The following PFKM variants were observed in gnomAD, a reference collection of about 807,000 sequenced individuals.
The protein encoded by PFKM is phosphofructokinase, muscle.
A neutral mutation model predicts 95.5 loss-of-function variants in PFKM; 58 were observed. The observed-to-expected ratio is 0.61, with a 90% CI of 0.49 to 0.76. The LOEUF (loss-of-function observed/expected upper bound fraction) is 0.76. Ranked by LOEUF, PFKM falls within the 30% of genes least tolerant of loss-of-function variation. The pLI is 0.00. For missense variants in PFKM, 678 were observed against 1,005.4 expected, an observed-to-expected ratio of 0.67 and a Z score of 4.40; for synonymous variants, 336 against 357.2, an observed-to-expected ratio of 0.94 and a Z score of 0.67.
At chr12:48,122,136 G>A (rs1302226226) in intron 1 of PFKM, among the ~76,000 whole-genome samples, 1 of 152,180 alleles carries the variant, frequency 6.6e-6, no homozygotes, top group Non-Finnish European at 1.5e-5. Flanking sequence ...CATCCTGAGA[G>A]GGAAGAGCCA....
chr12:48,135,733 A>G (rs143537136), intron 10 of PFKM, among the ~76,000 whole-genome samples: 4 of 152,294 alleles, frequency 2.6e-5, no homozygotes, highest in Non-Finnish European at 5.9e-5. Flanking sequence ...GTTTCTTTCA[A>G]TGGTAACATC....
chr12:48,128,450 T>A (rs1949082265), intron 2 of PFKM, among the ~76,000 whole-genome samples: 4 of 152,128 alleles, frequency 2.6e-5, no homozygotes, highest in African/African-American at 7.2e-5. Context: ...ATTCTCCACA[T>A]GTCTTGAAGA....
At chr12:48,106,675 A>G (rs879655696) in intron 1 of PFKM, 7 of 156,030 alleles carry the variant, frequency 4.5e-5, no homozygotes, top group Non-Finnish European at 1.4e-5. Context: ...TGTACTCTGC[A>G]CCACCTCATA....
At chr12:48,141,199 T>A in intron 14 of PFKM, 112 bp from the exon 15 acceptor site, 1 of 1,038,078 alleles carries the variant, frequency 9.6e-7, no homozygotes. Flanking sequence ...GTGTACCTTT[T>A]CCAACCAAGG....
At chr12:48,115,052 G>A (rs1170856541), upstream of PFKM, among the ~76,000 whole-genome samples, 1 of 152,086 alleles carries the variant, frequency 6.6e-6, no homozygotes, top group African/African-American at 2.4e-5. Context: ...AGCAGCTCTG[G>A]GCTGCAATGT....
At chr12:48,142,516 G>GTTTTTTTTTTTTTTTTT in intron 17 of PFKM, 2 of 423,102 alleles carry the variant, frequency 4.7e-6, no homozygotes, top group Non-Finnish European at 4.2e-6. Context: ...TGTTTTGTTT[G>GTTTTTTTTTTTTTTTTT]TTTTTTTTTT....
At position 48,142,726 on chromosome 12, in the gene PFKM, GATAAGAATC is replaced by G. The variant is rs796455394; in HGVS notation, c.1654-54_1654-46del. 72 of 1,478,044 alleles carry G rather than the reference GATAAGAATC, an allele frequency of 4.9e-5. No individual in the cohort carries two copies. In the African/African-American group the frequency reaches 6.9e-4, roughly 14 times the overall value. The allele number at this position is 1,478,044 out of a possible 1,614,324, so 91.6% of individuals were successfully genotyped here. A position where few individuals can be genotyped will look rare whatever the true frequency, so the allele number is the denominator to read the frequency against. On this transcript the variant is annotated intron_variant, in intron 17 of 22. Transcript: ENST00000359794. ...TAATTAATGGCAAAGATTAAAGAGT[GATAAGAATC>G]AGGCCCCTGATCATGTCTTTCTAAC...
At chr12:48,106,228 G>T in intron 1 of PFKM, 1 of 649,464 alleles carries the variant, frequency 1.5e-6, no homozygotes. Flanking sequence ...GGCCCGAGAA[G>T]CGAAGGGAGC....
chr12:48,135,670 C>T lies in PFKM; in HGVS notation c.936+287C>T, dbSNP rs140029354. Among the ~76,000 whole-genome samples the T allele has an allele frequency of 8.3e-3, 1,270 of 152,238 alleles. 15 individuals are homozygous for T. The highest frequency in any genetic ancestry group is 0.028 in the African/African-American group (1,151 of 41,530). On this transcript the variant is annotated intron_variant, in intron 10 of 22. Transcript: ENST00000359794. ...ACGAATTTTGAGATAATTGTAGATT[C>T]ACATGCAGTTGTACAGAATAATACA... is the stretch of plus-strand genomic sequence containing the variant.
chr12:48,123,534 T>A (rs116032550), intron 2 of PFKM, among the ~76,000 whole-genome samples: 2,521 of 152,108 alleles, frequency 0.017, 76 homozygotes, highest in African/African-American at 0.055. Flanking sequence ...TTGATTTTTT[T>A]AAAAAAAACT....
chr12:48,121,810 G>T (rs1249140102), intron 1 of PFKM, among the ~76,000 whole-genome samples: 1 of 152,120 alleles, frequency 6.6e-6, no homozygotes, highest in East Asian at 1.9e-4. Flanking sequence ...TAAGAAGGGA[G>T]AATAATAGGA....
chr12:48,137,564 T>G, intron 10 of PFKM, 157 bp from the exon 11 acceptor site: 1 of 765,954 alleles, frequency 1.3e-6, no homozygotes, highest in Non-Finnish European at 2.2e-6. Flanking sequence ...ATGAAATCTG[T>G]TTGGGGAGGT....
chr12:48,123,851 G>A (rs1346018773), intron 2 of PFKM, among the ~76,000 whole-genome samples: 1 of 152,108 alleles, frequency 6.6e-6, no homozygotes, highest in Non-Finnish European at 1.5e-5. Flanking sequence ...TTAACCAAGT[G>A]GAATCTACTT....
At chr12:48,110,414 G>A (rs914717470) in intron 3 of PFKM, among the ~76,000 whole-genome samples, 5 of 152,282 alleles carry the variant, frequency 3.3e-5, no homozygotes, top group South Asian at 2.1e-4. Flanking sequence ...CTGGGTGGAG[G>A]ATGGATTGGA....
In PFKM at chr12:48,106,585, G is replaced by A. The variant is rs117071905; in HGVS notation, c.-10+448G>A. Reference sequence around the variant, plus strand: ...AGATACTTTAGTCTTACCAGGTTCAGAGAAGTGAAGTGATTTCCCAAAGGT... The same window carrying A: ...AGATACTTTAGTCTTACCAGGTTCAAAGAAGTGAAGTGATTTCCCAAAGGT... On this transcript the variant is annotated intron_variant, in intron 1 of 24. Transcript: ENST00000340802. The A allele has an allele frequency of 9.5e-3, 1,646 of 173,134 alleles. 17 individuals carry two copies. The highest frequency in any genetic ancestry group is 0.017 in the South Asian group (148 of 8,890). 10.7% of individuals were successfully genotyped at this position (173,134 alleles called of 1,614,324 possible). A position where few individuals can be genotyped will look rare whatever the true frequency, so the allele number is the denominator to read the frequency against.
chr12:48,133,068 T>G lies in PFKM; in HGVS notation c.427+11T>G. ...ACCTCCAGAAAGCAGGTAAGAGAGT[T>G]TTCACATCAGTATTGCTTATTTGTG... On this transcript the variant is annotated intron_variant, in intron 5 of 22. Transcript: ENST00000359794. The G allele has an allele frequency of 6.2e-7, 1 of 1,612,360 alleles. No homozygotes were observed. Among genetic ancestry groups the G allele is most frequent in the Non-Finnish European group, 8.5e-7 (1 of 1,178,418 alleles).
intron 3 of PFKM, among the ~76,000 whole-genome samples, chr12:48,110,049 TGTTA>T: frequency 6.6e-6 from 1 of 152,196 alleles, no homozygotes; most frequent in South Asian, 2.1e-4. Context: ...ACTAGAATGG[TGTTA>T]GTGCAATGAA....
chr12:48,106,486 G>A (rs1479365156), intron 1 of PFKM: 1 of 310,126 alleles, frequency 3.2e-6, no homozygotes, highest in Admixed American at 4.9e-5. Flanking sequence ...AGGGACCTGA[G>A]ATCTAAATCG....
chr12:48,145,618 C>A lies in PFKM; in HGVS notation c.2253C>A (p.Ile751=), dbSNP rs370779782. The A allele has an allele frequency of 4.0e-5, 64 of 1,613,966 alleles. No individual in the cohort carries two copies. The highest frequency in any genetic ancestry group is 5.1e-5 in the Non-Finnish European group (60 of 1,179,990). The stretch of plus-strand genomic sequence containing the variant: ...TGAAACTGAGGCCCATCCTCAAAAT[C>A]CTAGCCAAGTACGAGATTGACTTGG... ...WWLKLRPILK[I]LAKYEIDLDT... The change falls in exon 23 of 23, where the codon ATC becomes ATA. Residue 751 remains isoleucine (I), a synonymous_variant. Transcript: ENST00000359794. The surrounding 1 kb of genome is among the most constrained non-coding windows in gnomAD (Gnocchi z 4.3).
Sources: allele counts gnomAD v4.1 joint callset (sites outside exome capture counted in the v4.1 genomes callset), GRCh38; gene constraint gnomAD v4.1.1; non-coding constraint Gnocchi (gnomAD v3.1); transcripts MANE v1.5; gene names NCBI Gene and HGNC (gene_info 2026-07-23, HGNC 2026-07-21).